Variants in ZNRF3 observed in about 807,000 individuals in gnomAD.
The protein encoded by ZNRF3 is E3 ubiquitin-protein ligase ZNRF3.
In ZNRF3, 23 loss-of-function variants were observed where a neutral mutation model predicts 72.5. The observed-to-expected ratio is 0.32, with a 90% CI of 0.23 to 0.45. The LOEUF is 0.45. Ranked by LOEUF, ZNRF3 falls within the 20% of genes least tolerant of loss-of-function variation. The pLI is 1.00. For synonymous variants in ZNRF3, 610 were observed against 545.3 expected (o/e 1.12, Z -1.65); for missense variants, 1,169 against 1,272.1 (o/e 0.92, Z 1.23).
At chr22:28,888,722 C>G (rs1277443779) in intron 1 of ZNRF3, among the ~76,000 whole-genome samples, 1 of 152,162 alleles carries the variant, frequency 6.6e-6, no homozygotes, top group African/African-American at 2.4e-5. Context: ...ATGCAATTAG[C>G]AACTATTGTT....
intron 1 of ZNRF3, among the ~76,000 whole-genome samples, chr22:28,910,615 C>T (rs1010623539): frequency 2.0e-5 from 3 of 152,168 alleles, no homozygotes; most frequent in Admixed American, 6.5e-5. Context: ...ATAGTGTTCA[C>T]AGAATCACCG....
chr22:28,948,811 T>A (rs2035100411), intron 1 of ZNRF3, among the ~76,000 whole-genome samples: 1 of 152,346 alleles, frequency 6.6e-6, no homozygotes, highest in African/African-American at 2.4e-5. Flanking sequence ...TGTTTCACTT[T>A]GAAATCTATT....
intron 2 of ZNRF3, among the ~76,000 whole-genome samples, chr22:29,012,186 C>T (rs746504652): frequency 6.6e-5 from 10 of 152,156 alleles, no homozygotes; most frequent in Non-Finnish European, 1.0e-4. Context: ...GCAGTGTGAA[C>T]AAAATGCAAA....
intron 1 of ZNRF3, among the ~76,000 whole-genome samples, chr22:28,944,018 G>T (rs1321904652): frequency 1.4e-5 from 2 of 147,058 alleles, no homozygotes; most frequent in African/African-American, 5.1e-5. Flanking sequence ...CCGGATTAAG[G>T]CCAAAAAGGA....
chr22:29,010,354 C>G, intron 2 of ZNRF3, among the ~76,000 whole-genome samples: 1 of 151,946 alleles, frequency 6.6e-6, no homozygotes, highest in Non-Finnish European at 1.5e-5. Flanking sequence ...GTGTATTTGT[C>G]CTTTTGTGAC....
chr22:28,938,878 T>A (rs186260973), intron 1 of ZNRF3, among the ~76,000 whole-genome samples: 2 of 152,264 alleles, frequency 1.3e-5, no homozygotes, highest in Admixed American at 1.3e-4. Flanking sequence ...GCAGAACAGA[T>A]GGAAGTATAG....
chr22:28,930,933 G>A (rs1371363632), intron 1 of ZNRF3, among the ~76,000 whole-genome samples: 1 of 152,184 alleles, frequency 6.6e-6, no homozygotes, highest in Admixed American at 6.5e-5. Flanking sequence ...TTGCTTGAGT[G>A]GAGATTACTG....
chr22:28,903,024 A>G (rs1450594788), intron 1 of ZNRF3, among the ~76,000 whole-genome samples: 2 of 152,084 alleles, frequency 1.3e-5, no homozygotes, highest in African/African-American at 4.8e-5. Flanking sequence ...ACTTGCACCT[A>G]TGTCCCTTCT....
At chr22:29,004,546 G>C (rs764172742) in intron 2 of ZNRF3, among the ~76,000 whole-genome samples, 1 of 152,188 alleles carries the variant, frequency 6.6e-6, no homozygotes, top group Non-Finnish European at 1.5e-5. Context: ...CTGTCACCTG[G>C]TTTAAGAACA....
At chr22:28,972,618 A>G (rs2035596727) in intron 1 of ZNRF3, among the ~76,000 whole-genome samples, 1 of 152,186 alleles carries the variant, frequency 6.6e-6, no homozygotes, top group African/African-American at 2.4e-5. Context: ...TCTTGGGTAT[A>G]TACTCAGGAG....
At chr22:29,004,630 A>G (rs898581013) in intron 2 of ZNRF3, among the ~76,000 whole-genome samples, 5 of 152,168 alleles carry the variant, frequency 3.3e-5, no homozygotes, top group African/African-American at 1.2e-4. Flanking sequence ...TGTCTCTTCA[A>G]CAGAAAGGCA....
Position 29,050,751 on chromosome 22 carries a change from G to C in ZNRF3, c.2570G>C (p.Gly857Ala). 6.2e-7 allele frequency: 1 copy of C among 1,608,644 alleles called. No individual in the cohort carries two copies. The highest frequency in any genetic ancestry group is 2.2e-5 in the East Asian group (1 of 44,624). ...ACCCACAGCCTCGGCTCCTGGGGTG[G>C]GACGCGAGGCCCGGATACCCCACGG... is the stretch of plus-strand genomic sequence containing the variant. ...QGTHSLGSWGGTRGPDTPRPH... is the reference protein window; with the variant it reads ...QGTHSLGSWGATRGPDTPRPH... The change falls in exon 8 of 9, where the codon GGG (glycine) becomes GCG (alanine). Residue 857 changes from glycine to alanine, a missense_variant. Gly to Ala is a moderately conservative substitution (Grantham distance 60). Transcript: ENST00000544604.
intron 1 of ZNRF3, among the ~76,000 whole-genome samples, chr22:28,925,505 T>C (rs1215862054): frequency 1.3e-5 from 2 of 151,984 alleles, no homozygotes; most frequent in Non-Finnish European, 2.9e-5. Flanking sequence ...ACTGGAAGGG[T>C]TTTTCCTTCC....
intron 1 of ZNRF3, among the ~76,000 whole-genome samples, chr22:28,971,039 T>C (rs997625822): frequency 2.0e-5 from 3 of 152,108 alleles, no homozygotes; most frequent in Admixed American, 2.0e-4. Context: ...TCTGTGTTTG[T>C]TTTTTGGGAT....
intron 1 of ZNRF3, among the ~76,000 whole-genome samples, chr22:28,927,969 C>T (rs2034633973): frequency 6.6e-6 from 1 of 152,088 alleles, no homozygotes; most frequent in Non-Finnish European, 1.5e-5. Context: ...CAGTGTTGTG[C>T]CTGTTGTATT....
chr22:28,954,991 C>CTGA (rs1279890767), intron 1 of ZNRF3, among the ~76,000 whole-genome samples: 1 of 149,016 alleles, frequency 6.7e-6, no homozygotes, highest in African/African-American at 2.5e-5. Flanking sequence ...GATATAATGG[C>CTGA]TGATGGCATC....
At chr22:29,021,784 G>A (rs879657222) in intron 2 of ZNRF3, among the ~76,000 whole-genome samples, 9 of 152,140 alleles carry the variant, frequency 5.9e-5, no homozygotes, top group Non-Finnish European at 1.2e-4. Flanking sequence ...CACCGTGCCC[G>A]GCCTTGTTTT....
At chr22:28,892,745 A>G (rs965064565) in intron 1 of ZNRF3, among the ~76,000 whole-genome samples, 2 of 152,200 alleles carry the variant, frequency 1.3e-5, no homozygotes, top group African/African-American at 2.4e-5. Context: ...CAGCCAGTGT[A>G]ATATAGTTGT....
chr22:28,933,646 A>C (rs2034754519), intron 1 of ZNRF3, among the ~76,000 whole-genome samples: 1 of 151,712 alleles, frequency 6.6e-6, no homozygotes, highest in African/African-American at 2.4e-5. Context: ...TGTCCAAAGA[A>C]ACTCTGGCCT....
Sources: allele counts gnomAD v4.1 joint callset (sites outside exome capture counted in the v4.1 genomes callset), GRCh38; gene constraint gnomAD v4.1.1; transcripts MANE v1.5; gene names NCBI Gene and HGNC (gene_info 2026-07-23, HGNC 2026-07-21).